The following CPNE8 variants were observed in gnomAD, a reference collection of about 807,000 sequenced individuals.
CPNE8 encodes the protein copine-8.
A neutral mutation model predicts 81.5 loss-of-function variants in CPNE8; 45 were observed. The ratio of observed to expected loss-of-function variants is 0.55; its 90% confidence interval spans 0.44 to 0.71. The LOEUF is 0.71. Ranked by LOEUF, CPNE8 falls within the 30% of genes least tolerant of loss-of-function variation. CPNE8 has a pLI of 0.00. For synonymous variants in CPNE8, 252 were observed against 226.3 expected (o/e 1.11, Z -1.02); for missense variants, 594 against 672.1 (o/e 0.88, Z 1.28).
intron 6 of CPNE8, among the ~76,000 whole-genome samples, chr12:38,806,585 T>G (rs1340070942): frequency 6.7e-6 from 1 of 149,132 alleles, no homozygotes; most frequent in Non-Finnish European, 1.5e-5. Flanking sequence ...ATAAATTAGG[T>G]ACTGATGGGA....
intron 14 of CPNE8, among the ~76,000 whole-genome samples, chr12:38,701,266 G>T (rs982001116): frequency 6.6e-6 from 1 of 151,992 alleles, no homozygotes; most frequent in East Asian, 1.9e-4. Flanking sequence ...TAACTTTGTG[G>T]GTAGTCTTTT....
intron 1 of CPNE8, among the ~76,000 whole-genome samples, chr12:38,884,270 G>A (rs573139972): frequency 2.0e-5 from 3 of 152,240 alleles, no homozygotes; most frequent in South Asian, 4.1e-4. Flanking sequence ...AGCATTTCAT[G>A]TAAATAGAAT....
intron 19 of CPNE8, among the ~76,000 whole-genome samples, chr12:38,669,813 G>T (rs1476460343): frequency 6.6e-6 from 1 of 152,146 alleles, no homozygotes; most frequent in African/African-American, 2.4e-5. Context: ...TTCCCTTCAT[G>T]TGTGCTAAGA....
chr12:38,849,868 T>A (rs1381263781), intron 3 of CPNE8, among the ~76,000 whole-genome samples: 3 of 152,228 alleles, frequency 2.0e-5, no homozygotes, highest in Non-Finnish European at 4.4e-5. Context: ...CACATTACTT[T>A]CAATATTTAC....
intron 3 of CPNE8, among the ~76,000 whole-genome samples, chr12:38,870,211 A>T (rs1374345837): frequency 2.0e-5 from 3 of 152,248 alleles, no homozygotes; most frequent in African/African-American, 7.2e-5. Flanking sequence ...TAGTTAAACC[A>T]TTGTGGAAGA....
At chr12:38,796,081 T>G (rs1942463729) in intron 6 of CPNE8, among the ~76,000 whole-genome samples, 1 of 152,120 alleles carries the variant, frequency 6.6e-6, no homozygotes, top group Non-Finnish European at 1.5e-5. Context: ...GTCAACATGG[T>G]GAAGGCCGTC....
intron 3 of CPNE8, among the ~76,000 whole-genome samples, chr12:38,871,412 C>T (rs1233144248): frequency 6.6e-6 from 1 of 152,158 alleles, no homozygotes; most frequent in Non-Finnish European, 1.5e-5. Flanking sequence ...AGCCTGGCAT[C>T]TATGGTCAGT....
intron 6 of CPNE8, among the ~76,000 whole-genome samples, chr12:38,791,273 A>T (rs1272587040): frequency 6.6e-6 from 1 of 151,576 alleles, no homozygotes; most frequent in East Asian, 1.9e-4. Context: ...CACCTACTCA[A>T]TGACCTTTTC....
chr12:38,777,454 T>C (rs1304188032), intron 6 of CPNE8, among the ~76,000 whole-genome samples: 1 of 152,156 alleles, frequency 6.6e-6, no homozygotes, highest in Non-Finnish European at 1.5e-5. Context: ...TAATTTATTA[T>C]TGAAGAAAGA....
At chr12:38,867,074 G>A in intron 3 of CPNE8, among the ~76,000 whole-genome samples, 1 of 152,096 alleles carries the variant, frequency 6.6e-6, no homozygotes, top group East Asian at 1.9e-4. Context: ...GGCCAGGCTG[G>A]TCTCTAACTC....
rs1162032883 is a variant in CPNE8, at chr12:38,805,898, CA to C, written c.407+23480del. Among the ~76,000 whole-genome samples, 9 of 149,428 alleles carry C rather than the reference CA, an allele frequency of 6.0e-5. 1 individual carries two copies. The East Asian group carries it at 1.1e-3, about 19-fold the overall frequency. On this transcript the variant is annotated intron_variant, in intron 6 of 19. Transcript: ENST00000331366. The stretch of plus-strand genomic sequence containing the variant: ...AGAAGAGAGAAGAATCAAATAGACA[CA>C]ATAAAAAATGATAAAGGGGATATCA...
At chr12:38,781,850 C>A (rs530099809) in intron 6 of CPNE8, among the ~76,000 whole-genome samples, 3 of 152,152 alleles carry the variant, frequency 2.0e-5, no homozygotes, top group South Asian at 2.1e-4. Context: ...AAACATCACA[C>A]AAATGCAAAT....
chr12:38,733,181 TTC>T (rs1348273162), intron 10 of CPNE8, among the ~76,000 whole-genome samples: 1 of 151,906 alleles, frequency 6.6e-6, no homozygotes, highest in Admixed American at 6.6e-5. Context: ...AGTAGATAGA[TTC>T]TCAGGCCAAT....
At chr12:38,727,518 T>C (rs1940731670) in intron 11 of CPNE8, among the ~76,000 whole-genome samples, 3 of 152,224 alleles carry the variant, frequency 2.0e-5, no homozygotes, top group Non-Finnish European at 4.4e-5. Context: ...TTCTAGAGAA[T>C]TGTCATTAAC....
chr12:38,725,003 T>C (rs541809348), intron 11 of CPNE8, 104 bp from the exon 12 acceptor site: 6 of 995,084 alleles, frequency 6.0e-6, no homozygotes, highest in South Asian at 1.4e-5. Context: ...TCCCTTCTTA[T>C]GCATGTATTC....
intron 10 of CPNE8, among the ~76,000 whole-genome samples, chr12:38,735,720 A>G (rs1242433466): frequency 6.6e-6 from 1 of 152,014 alleles, no homozygotes; most frequent in African/African-American, 2.4e-5. Context: ...GGTAAGAAAT[A>G]TGACCTTTCA....
At chr12:38,733,120 A>T (rs756552790) in intron 10 of CPNE8, among the ~76,000 whole-genome samples, 7 of 152,002 alleles carry the variant, frequency 4.6e-5, no homozygotes, top group Admixed American at 6.6e-5. Flanking sequence ...AGCCAACCCA[A>T]GCTATAAGAT....
chr12:38,873,512 C>T (rs996078954), intron 2 of CPNE8, among the ~76,000 whole-genome samples: 1 of 152,084 alleles, frequency 6.6e-6, no homozygotes, highest in Non-Finnish European at 1.5e-5. Flanking sequence ...GGTAAGAAAT[C>T]CTGTCAACCA....
At chr12:38,888,690 C>T (rs1006016754) in intron 1 of CPNE8, among the ~76,000 whole-genome samples, 1 of 152,150 alleles carries the variant, frequency 6.6e-6, no homozygotes, top group Non-Finnish European at 1.5e-5. Context: ...GCTCTCATCT[C>T]GGCCCCAAAA....
Sources: gnomAD v4.1 joint callset for allele counts (sites outside exome capture counted in the v4.1 genomes callset) on GRCh38, gnomAD v4.1.1 for gene constraint, MANE v1.5 for transcripts, NCBI Gene and HGNC (gene_info 2026-07-23, HGNC 2026-07-21) for gene names.